ROBO1: variants seen among roughly 807,000 people sequenced by gnomAD.
ROBO1 encodes roundabout guidance receptor 1.
Under a neutral mutation model 195.9 loss-of-function variants are expected in ROBO1, and 149 were observed. The observed-to-expected ratio is 0.76, with a 90% CI of 0.67 to 0.87. The LOEUF (loss-of-function observed/expected upper bound fraction) is 0.87. Ranked by LOEUF, ROBO1 falls within the 40% of genes least tolerant of loss-of-function variation. ROBO1 has a pLI of 0.00. For synonymous variants in ROBO1, 816 were observed against 733.2 expected, an observed-to-expected ratio of 1.11 and a Z score of -1.82; for missense variants, 1,933 against 2,068.3, an observed-to-expected ratio of 0.93 and a Z score of 1.27.
rs557062413 is a variant in ROBO1, at chr3:79,195,967, C to G, written c.89-70428G>C. 1.5e-4 allele frequency among the ~76,000 whole-genome samples: 22 copies of G among 151,592 alleles called. No individual in the cohort carries two copies. The South Asian group carries it at 4.4e-3, about 30-fold the overall frequency. ...ATTAAACAGGTTGTTAGTTAATTAA[C>G]AGACACATTAATTTAATTATTTATT... On this transcript the variant is annotated intron_variant, in intron 2 of 30. Transcript: ENST00000464233.
intron 2 of ROBO1, among the ~76,000 whole-genome samples, chr3:79,313,843 A>C (rs73122586): frequency 0.26 from 39,283 of 152,086 alleles, 5,791 homozygotes; most frequent in African/African-American, 0.41. Context: ...ATATCATCTG[A>C]AATATGCATT....
At chr3:79,224,214 C>A (rs920927092) in intron 2 of ROBO1, among the ~76,000 whole-genome samples, 4 of 152,274 alleles carry the variant, frequency 2.6e-5, no homozygotes, top group Admixed American at 2.6e-4. Flanking sequence ...AGGTTATGAA[C>A]ACCAAATTAT....
At chr3:79,236,182 T>C (rs2082403946) in intron 2 of ROBO1, among the ~76,000 whole-genome samples, 1 of 152,144 alleles carries the variant, frequency 6.6e-6, no homozygotes, top group Non-Finnish European at 1.5e-5. Context: ...ATAAGCAAAC[T>C]AATAAAAATG....
At chr3:78,743,811 A>C (rs1295591813) in intron 5 of ROBO1, among the ~76,000 whole-genome samples, 1 of 152,118 alleles carries the variant, frequency 6.6e-6, no homozygotes, top group East Asian at 1.9e-4. Flanking sequence ...AGAGTACTGG[A>C]GTATTTAAAC....
intron 2 of ROBO1, among the ~76,000 whole-genome samples, chr3:79,389,119 T>C (rs2036857907): frequency 6.6e-6 from 1 of 152,040 alleles, no homozygotes; most frequent in Non-Finnish European, 1.5e-5. Context: ...ATATAACTTT[T>C]GACTTTTGTA....
intron 18 of ROBO1, among the ~76,000 whole-genome samples, chr3:78,652,776 T>C (rs1411823523): frequency 2.0e-5 from 3 of 152,188 alleles, no homozygotes; most frequent in Non-Finnish European, 4.4e-5. Flanking sequence ...TTGATGAATA[T>C]ATGGGTAATA....
At chr3:79,526,428 T>C (rs566399631) in intron 2 of ROBO1, 11 of 152,338 alleles carry the variant, frequency 7.2e-5, no homozygotes, top group African/African-American at 2.6e-4. Context: ...GTGCAATTAT[T>C]CTTACCTTGT....
intron 4 of ROBO1, among the ~76,000 whole-genome samples, chr3:78,864,391 T>A (rs1250362168): frequency 6.6e-6 from 1 of 152,176 alleles, no homozygotes; most frequent in African/African-American, 2.4e-5. Context: ...AGGAAGCATA[T>A]ACATGAGGGT....
chr3:79,568,480 G>GAA (rs36032880), intron 2 of ROBO1, among the ~76,000 whole-genome samples: 113 of 135,426 alleles, frequency 8.3e-4, no homozygotes, highest in African/African-American at 2.9e-3. Context: ...TTTCTACATT[G>GAA]AAAAAAAAAA....
intron 2 of ROBO1, among the ~76,000 whole-genome samples, chr3:79,499,736 C>CT (rs1939954649): frequency 1.3e-5 from 2 of 152,164 alleles, no homozygotes; most frequent in South Asian, 4.1e-4. Context: ...CAAGAGGCAG[C>CT]TTTTGTAGCT....
At chr3:78,846,494 T>TTTTTCACGATGGCATC (rs1187545379) in intron 4 of ROBO1, among the ~76,000 whole-genome samples, 5 of 152,234 alleles carry the variant, frequency 3.3e-5, no homozygotes, top group Middle Eastern at 3.4e-3. Context: ...ATCATCTTTA[T>TTTTTCACGATGGCATC]TTTTCACGAT....
chr3:79,349,485 A>T (rs998545085), intron 2 of ROBO1, among the ~76,000 whole-genome samples: 1 of 152,218 alleles, frequency 6.6e-6, no homozygotes, highest in Non-Finnish European at 1.5e-5. Context: ...AATAGATGAT[A>T]GATAGATTAT....
chr3:79,464,657 T>C (rs1041947410), intron 2 of ROBO1, among the ~76,000 whole-genome samples: 3 of 152,244 alleles, frequency 2.0e-5, no homozygotes, highest in African/African-American at 7.2e-5. Flanking sequence ...ATATCAGTTA[T>C]AGATTTGCAT....
intron 21 of ROBO1, among the ~76,000 whole-genome samples, chr3:78,640,256 A>G (rs1377609289): frequency 6.6e-6 from 1 of 152,206 alleles, no homozygotes; most frequent in Non-Finnish European, 1.5e-5. Context: ...TAGTTCAGAT[A>G]GTTGGCACTT....
chr3:78,646,436 T>C (rs553845646), intron 20 of ROBO1, among the ~76,000 whole-genome samples: 1 of 150,756 alleles, frequency 6.6e-6, no homozygotes, highest in South Asian at 2.1e-4. Flanking sequence ...ATCACTCTTA[T>C]TTTCTTCAAA....
chr3:79,334,176 A>G (rs2109188532), intron 2 of ROBO1, among the ~76,000 whole-genome samples: 1 of 151,548 alleles, frequency 6.6e-6, no homozygotes, highest in South Asian at 2.1e-4. Context: ...GTGGTGGTGC[A>G]CCTGTAATCC....
At chr3:79,145,858 T>C (rs1249355915) in intron 2 of ROBO1, among the ~76,000 whole-genome samples, 1 of 152,006 alleles carries the variant, frequency 6.6e-6, no homozygotes, top group Non-Finnish European at 1.5e-5. Context: ...TGATCATCTT[T>C]ACAGTGTTCT....
intron 2 of ROBO1, among the ~76,000 whole-genome samples, chr3:79,500,436 G>T (rs931447797): frequency 5.9e-5 from 9 of 152,118 alleles, no homozygotes; most frequent in Non-Finnish European, 8.8e-5. Flanking sequence ...GGCCCCAGCC[G>T]CAAGTTTTAA....
intron 2 of ROBO1, among the ~76,000 whole-genome samples, chr3:79,403,410 A>G (rs2037434939): frequency 6.6e-6 from 1 of 152,024 alleles, no homozygotes; most frequent in South Asian, 2.1e-4. Context: ...TATATTCATC[A>G]CCATATTTCC....
Sources: gnomAD v4.1 joint callset for allele counts (sites outside exome capture counted in the v4.1 genomes callset) on GRCh38, gnomAD v4.1.1 for gene constraint, MANE v1.5 for transcripts, NCBI Gene and HGNC (gene_info 2026-07-23, HGNC 2026-07-21) for gene names.